TG: variants seen among roughly 807,000 people sequenced by gnomAD.
The protein encoded by TG is thyroglobulin, also known as thyroid hormones.
Under a neutral mutation model 324.7 loss-of-function variants are expected in TG, and 270 were observed. The observed-to-expected ratio is 0.83, with a 90% CI of 0.75 to 0.92. The LOEUF is 0.92. TG is among the 40% of genes least tolerant of loss of function. The pLI, the probability that TG is intolerant of heterozygous loss-of-function variation, is 0.00. For missense variants in TG, 3,591 were observed against 3,456.4 expected (o/e 1.04, Z -0.98); for synonymous variants, 1,401 against 1,327.0 (o/e 1.06, Z -1.21).
At chr8:132,939,045 CAAAAAAAAAAA>C (rs36002632) in intron 25 of TG, among the ~76,000 whole-genome samples, 3 of 67,778 alleles carry the variant, frequency 4.4e-5, no homozygotes, top group African/African-American at 1.8e-4. Flanking sequence ...GCAGGAGTCT[CAAAAAAAAAAA>C]AAAAAAAAAA....
rs371826980 is a variant in TG, at chr8:132,930,750, GAGTGAGGCA to G, written c.4816+1561_4816+1569del. On this transcript the variant is annotated intron_variant, in intron 23 of 47. Transcript: ENST00000220616. ...GCAAAAGAGGATGCAGAATCTTAGG[GAGTGAGGCA>G]AGCAGGGAAAACACGTCCATCTGTT... is the stretch of plus-strand genomic sequence containing the variant. Among the ~76,000 whole-genome samples the G allele has an allele frequency of 1.2e-3, 176 of 152,136 alleles. 1 individual carries two copies. The highest frequency in any genetic ancestry group is 4.1e-3 in the African/African-American group (169 of 41,514).
chr8:133,030,093 CAA>C, intron 41 of TG, 70 bp downstream of exon 41: 1 of 1,593,204 alleles, frequency 6.3e-7, no homozygotes, highest in Non-Finnish European at 8.6e-7. Flanking sequence ...TCCTGTGCTG[CAA>C]AAGTCTAGTT....
chr8:133,080,828 G>C (rs1269713914), intron 41 of TG, among the ~76,000 whole-genome samples: 1 of 152,172 alleles, frequency 6.6e-6, no homozygotes, highest in Non-Finnish European at 1.5e-5. Flanking sequence ...CCCTGCAAGG[G>C]CATGGGGCAG....
At chr8:132,898,078 C>A in intron 12 of TG, 91 bp from the exon 13 acceptor site, 1 of 1,274,072 alleles carries the variant, frequency 7.8e-7, no homozygotes, top group Non-Finnish European at 1.1e-6. Context: ...GCTTGCACTG[C>A]TATGAGTGAA....
At chr8:132,943,334 C>T (rs1824734849) in intron 26 of TG, among the ~76,000 whole-genome samples, 1 of 152,140 alleles carries the variant, frequency 6.6e-6, no homozygotes, top group African/African-American at 2.4e-5. Context: ...CTGTAACATG[C>T]CTGCTCCCCC....
At chr8:132,873,690 A>G (rs1268480005) in intron 5 of TG, among the ~76,000 whole-genome samples, 1 of 145,986 alleles carries the variant, frequency 6.8e-6, no homozygotes, top group African/African-American at 2.8e-5. Context: ...CACAGATAAT[A>G]TAATATAATA....
chr8:133,027,036 G>A (rs1339662832), intron 40 of TG, among the ~76,000 whole-genome samples: 3 of 152,116 alleles, frequency 2.0e-5, no homozygotes, highest in Admixed American at 1.3e-4. Flanking sequence ...ACTTGTCCAG[G>A]GCCCCTCAAG....
intron 36 of TG, among the ~76,000 whole-genome samples, chr8:133,012,343 C>A (rs1834592161): frequency 6.6e-6 from 1 of 152,182 alleles, no homozygotes; most frequent in Admixed American, 6.5e-5. Context: ...GCTCTGGCAG[C>A]TGACCTCAGT....
intron 44 of TG, among the ~76,000 whole-genome samples, chr8:133,115,130 T>G (rs1850570744): frequency 6.7e-6 from 1 of 149,802 alleles, no homozygotes; most frequent in African/African-American, 2.6e-5. Flanking sequence ...TCAAAAAACC[T>G]AGGTTCTTGC....
intron 40 of TG, among the ~76,000 whole-genome samples, chr8:133,024,386 CTTTCTTTTTCTTTT>C (rs1835872866): frequency 7.8e-5 from 3 of 38,346 alleles, no homozygotes; most frequent in African/African-American, 3.3e-4. Context: ...TTCTTTCTTT[CTTTCTTTTTCTTTT>C]TTTAATTTTA....
At chr8:133,105,427 A>AT (rs1341347476) in intron 43 of TG, among the ~76,000 whole-genome samples, 1 of 152,072 alleles carries the variant, frequency 6.6e-6, no homozygotes, top group African/African-American at 2.4e-5. Flanking sequence ...GAGGGGAATG[A>AT]TTTTAGGAGC....
intron 26 of TG, among the ~76,000 whole-genome samples, chr8:132,943,412 T>C (rs1824749803): frequency 1.3e-5 from 2 of 152,188 alleles, no homozygotes; most frequent in African/African-American, 4.8e-5. Context: ...ACCATGTTTC[T>C]TGTACTATCT....
chr8:132,974,057 G>A (rs746198664), intron 34 of TG, among the ~76,000 whole-genome samples: 36 of 145,898 alleles, frequency 2.5e-4, no homozygotes, highest in African/African-American at 5.2e-4. Context: ...GCAATGGCGC[G>A]ATCTCAGCTC....
At chr8:133,006,007 GGGCCTCAGAGCAAAGGTGCTGAT>G (rs1187356058) in intron 35 of TG, among the ~76,000 whole-genome samples, 1 of 152,214 alleles carries the variant, frequency 6.6e-6, no homozygotes, top group African/African-American at 2.4e-5. Context: ...CTGGATCCAA[GGGCCTCAGAGCAAAGGTGCTGAT>G]GGATTAATTT....
At chr8:132,949,987 A>G (rs1825880082) in intron 27 of TG, among the ~76,000 whole-genome samples, 1 of 152,204 alleles carries the variant, frequency 6.6e-6, no homozygotes, top group Non-Finnish European at 1.5e-5. Flanking sequence ...CAGCACCACC[A>G]TCACTGGAAG....
chr8:132,965,478 TG>T (rs1429454336), intron 29 of TG, among the ~76,000 whole-genome samples: 6 of 152,234 alleles, frequency 3.9e-5, no homozygotes, highest in African/African-American at 1.4e-4. Flanking sequence ...TGGGATGTAG[TG>T]CCCCTTATAC....
intron 35 of TG, among the ~76,000 whole-genome samples, chr8:133,008,351 G>A (rs1834203565): frequency 1.3e-5 from 2 of 152,138 alleles, no homozygotes; most frequent in Admixed American, 1.3e-4. Flanking sequence ...GATTTGCAAA[G>A]ACATTCATGG....
chr8:132,989,484 G>A (rs1159833142), intron 35 of TG, among the ~76,000 whole-genome samples: 1 of 152,190 alleles, frequency 6.6e-6, no homozygotes, highest in Non-Finnish European at 1.5e-5. Flanking sequence ...GCAGCTGAGA[G>A]GTGCGAGGTG....
chr8:132,972,910 G>T (rs973310080), intron 34 of TG, among the ~76,000 whole-genome samples, 169 bp downstream of exon 34: 6 of 152,144 alleles, frequency 3.9e-5, no homozygotes, highest in African/African-American at 1.4e-4. Flanking sequence ...CTTATTGAAA[G>T]TTTGCTCATT....
Sources: gnomAD v4.1 joint callset for allele counts (sites outside exome capture counted in the v4.1 genomes callset) on GRCh38, gnomAD v4.1.1 for gene constraint, MANE v1.5 for transcripts, NCBI Gene and HGNC (gene_info 2026-07-23, HGNC 2026-07-21) for gene names.